The following PCSK2 variants were observed in gnomAD, a reference collection of about 807,000 sequenced individuals.
PCSK2 encodes the protein proprotein convertase subtilisin/kexin type 2.
In PCSK2, 14 loss-of-function variants were observed where a neutral mutation model predicts 69.7. The observed-to-expected ratio is 0.20, with a 90% CI of 0.13 to 0.31. The LOEUF is 0.31. Ranked by LOEUF, PCSK2 falls within the 10% of genes least tolerant of loss-of-function variation. The pLI is 1.00. For missense variants in PCSK2, 544 were observed against 842.5 expected, an observed-to-expected ratio of 0.65 and a Z score of 4.39; for synonymous variants, 307 against 320.7, an observed-to-expected ratio of 0.96 and a Z score of 0.46.
chr20:17,289,112 C>A (rs907062666), intron 2 of PCSK2, among the ~76,000 whole-genome samples: 10 of 152,166 alleles, frequency 6.6e-5, no homozygotes, highest in African/African-American at 2.4e-4. Context: ...GCTGAATAAG[C>A]AAGTGATCAA....
Position 17,276,632 on chromosome 20 carries a change from C to CT in PCSK2, c.282+16293dup, listed in dbSNP as rs1988089774. 3.3e-5 allele frequency among the ~76,000 whole-genome samples: 5 copies of CT among 152,060 alleles called. No individual in the cohort carries two copies. In the South Asian group the frequency reaches 1.0e-3, roughly 32 times the overall value. On this transcript the variant is annotated intron_variant, in intron 2 of 11. Transcript: ENST00000262545. Reference sequence around the variant, plus strand: ...TAACATCCCTTCCTCTCTCAAACAGCTTTTTGTTTCCCTGTAGTTAATAAT... The same window carrying CT: ...TAACATCCCTTCCTCTCTCAAACAGCTTTTTTGTTTCCCTGTAGTTAATAAT...
At chr20:17,253,723 G>A (rs6044703) in intron 1 of PCSK2, among the ~76,000 whole-genome samples, 76,823 of 151,958 alleles carry the variant, frequency 0.51, 19,581 homozygotes, top group East Asian at 0.67. Flanking sequence ...ATATGCACCC[G>A]TACATGGAAT....
intron 2 of PCSK2, among the ~76,000 whole-genome samples, chr20:17,303,786 A>G (rs1015287652): frequency 7.4e-5 from 11 of 147,762 alleles, no homozygotes; most frequent in Non-Finnish European, 1.0e-4. Flanking sequence ...CATGTTGTCC[A>G]GGTTGGTCTT....
chr20:17,409,601 G>A (rs184897176), intron 6 of PCSK2, among the ~76,000 whole-genome samples: 42 of 152,294 alleles, frequency 2.8e-4, no homozygotes, highest in African/African-American at 1.0e-3. Context: ...AAAGAAAATA[G>A]AAATAAGAAG....
intron 7 of PCSK2, among the ~76,000 whole-genome samples, chr20:17,431,768 A>G (rs2269007): frequency 0.49 from 74,296 of 152,072 alleles, 18,804 homozygotes; most frequent in South Asian, 0.67. Flanking sequence ...CTCATGGATT[A>G]CAAAAACAGC....
At chr20:17,335,484 T>A (rs1990324258) in intron 2 of PCSK2, among the ~76,000 whole-genome samples, 1 of 139,858 alleles carries the variant, frequency 7.2e-6, no homozygotes, top group Non-Finnish European at 1.6e-5. Context: ...TTTTTATTTG[T>A]TTGCTTGTGG....
intron 2 of PCSK2, among the ~76,000 whole-genome samples, chr20:17,272,125 G>T (rs1987894110): frequency 6.6e-6 from 1 of 152,102 alleles, no homozygotes; most frequent in Non-Finnish European, 1.5e-5. Context: ...GACCTTCCTA[G>T]AGTAAGCATT....
At chr20:17,233,413 C>T (rs1600395102) in intron 1 of PCSK2, among the ~76,000 whole-genome samples, 3 of 152,258 alleles carry the variant, frequency 2.0e-5, no homozygotes, top group African/African-American at 4.8e-5. Context: ...GTGGGTTATA[C>T]TTGTGAGGGA....
chr20:17,411,152 G>T (rs1358233008), intron 6 of PCSK2, among the ~76,000 whole-genome samples: 1 of 152,218 alleles, frequency 6.6e-6, no homozygotes, highest in Non-Finnish European at 1.5e-5. Flanking sequence ...CTGGTCTGCA[G>T]CTCCCAGCAT....
At chr20:17,273,175 C>A in intron 2 of PCSK2, among the ~76,000 whole-genome samples, 1 of 152,090 alleles carries the variant, frequency 6.6e-6, no homozygotes, top group Non-Finnish European at 1.5e-5. Context: ...GTCAAGATAT[C>A]TCAGACATAG....
chr20:17,250,152 C>T (rs1986921451), intron 1 of PCSK2, among the ~76,000 whole-genome samples: 1 of 152,156 alleles, frequency 6.6e-6, no homozygotes, highest in South Asian at 2.1e-4. Context: ...CTATTAGCTA[C>T]AGGCCTTATT....
chr20:17,417,579 T>C (rs1600563839), intron 6 of PCSK2, among the ~76,000 whole-genome samples: 1 of 152,308 alleles, frequency 6.6e-6, no homozygotes, highest in African/African-American at 2.4e-5. Context: ...TTGTAAATGA[T>C]TATGGGAGGC....
intron 2 of PCSK2, among the ~76,000 whole-genome samples, chr20:17,321,965 A>T (rs761963971): frequency 3.3e-5 from 5 of 152,070 alleles, no homozygotes; most frequent in African/African-American, 4.8e-5. Flanking sequence ...CTTGTGATGT[A>T]CCTCTCTGCT....
intron 2 of PCSK2, among the ~76,000 whole-genome samples, chr20:17,303,094 A>G (rs754652424): frequency 6.7e-6 from 1 of 150,172 alleles, no homozygotes; most frequent in Non-Finnish European, 1.5e-5. Context: ...CCACATCTCT[A>G]ATGTCAAGTT....
chr20:17,423,897 A>G (rs2032188075), intron 6 of PCSK2, among the ~76,000 whole-genome samples: 1 of 152,218 alleles, frequency 6.6e-6, no homozygotes, highest in African/African-American at 2.4e-5. Flanking sequence ...GCAAAATGAA[A>G]CAATAACATA....
intron 7 of PCSK2, among the ~76,000 whole-genome samples, chr20:17,432,220 G>C (rs1000687397): frequency 6.6e-6 from 1 of 151,976 alleles, no homozygotes; most frequent in Non-Finnish European, 1.5e-5. Flanking sequence ...TTCCATCAAG[G>C]CTCCTGTCTT....
At chr20:17,249,192 G>A (rs914920473) in intron 1 of PCSK2, among the ~76,000 whole-genome samples, 3 of 152,068 alleles carry the variant, frequency 2.0e-5, no homozygotes, top group Non-Finnish European at 2.9e-5. Flanking sequence ...CTTGCATCTT[G>A]GAAATAATTT....
At chr20:17,229,888 T>C (rs754105669) in intron 1 of PCSK2, among the ~76,000 whole-genome samples, 3 of 152,230 alleles carry the variant, frequency 2.0e-5, no homozygotes, top group Admixed American at 6.5e-5. Flanking sequence ...CTGCACTACA[T>C]AAGCTAATAA....
intron 2 of PCSK2, among the ~76,000 whole-genome samples, chr20:17,316,707 G>A (rs1349220627): frequency 6.6e-6 from 1 of 152,150 alleles, no homozygotes; most frequent in Non-Finnish European, 1.5e-5. Context: ...AGCTAATAAT[G>A]CCTCCTTTCT....
Sources: gnomAD v4.1 joint callset for allele counts (sites outside exome capture counted in the v4.1 genomes callset) on GRCh38, gnomAD v4.1.1 for gene constraint, MANE v1.5 for transcripts, NCBI Gene and HGNC (gene_info 2026-07-23, HGNC 2026-07-21) for gene names.